CNR2: variants seen among roughly 807,000 people sequenced by gnomAD.
CNR2 encodes the protein cannabinoid receptor 2 (macrophage).
For synonymous variants in CNR2, 172 were observed against 182.2 expected (o/e 0.94, Z 0.45); for missense variants, 379 against 439.9 (o/e 0.86, Z 1.24).
At chr1:23,904,843 G>A (rs1231421804) in intron 1 of CNR2, among the ~76,000 whole-genome samples, 1 of 152,196 alleles carries the variant, frequency 6.6e-6, no homozygotes, top group Admixed American at 6.5e-5. Context: ...TCTAAAGCAG[G>A]AGTAAGACAG....
intron 1 of CNR2, among the ~76,000 whole-genome samples, chr1:23,888,477 G>C (rs182257492): frequency 6.6e-6 from 1 of 152,076 alleles, no homozygotes; most frequent in South Asian, 2.1e-4. Flanking sequence ...CGGTCCTTTC[G>C]AGGCATATTT....
At chr1:23,912,322 C>T (rs1640600275) in intron 1 of CNR2, among the ~76,000 whole-genome samples, 1 of 152,162 alleles carries the variant, frequency 6.6e-6, no homozygotes, top group South Asian at 2.1e-4. Flanking sequence ...CCAGTGTGCC[C>T]CTAACACTAC....
rs5773060 is a variant in CNR2 at position 23,896,881 on chromosome 1, G to GTTT, written c.-46+16362_-46+16364dup. Among the ~76,000 whole-genome samples, 82 of 141,802 alleles carry GTTT rather than the reference G, an allele frequency of 5.8e-4. 1 individual carries two copies. The highest frequency in any genetic ancestry group is 7.9e-4 in the Non-Finnish European group (52 of 65,816). The allele number at this position is 141,802 out of a possible 152,430, so 93.0% of individuals were successfully genotyped here. Reference sequence around the variant, plus strand: ...CAGTAGGTCCATCTGCACCAGGAGTGTTTTTTTTTTTTTTTCTTCTAGAGT... The same window carrying GTTT: ...CAGTAGGTCCATCTGCACCAGGAGTGTTTTTTTTTTTTTTTTTTCTTCTAGAGT... On this transcript the variant is annotated intron_variant, in intron 1 of 1. Transcript: ENST00000374472.
chr1:23,875,522 C>T lies in CNR2; in HGVS notation c.96G>A (p.Gln32=). 1 of 1,614,150 alleles carries T rather than the reference C, an allele frequency of 6.2e-7. No individual in the cohort carries two copies. ...TGCACAACACAGCAACAGCTGTCTT[C>T]TGGGGACCACTCAGGATCATGTAAT... ...MKDYMILSGP[Q]KTAVAVLCTL... Residue 32 remains glutamine, a synonymous_variant, in exon 2 of 2, where the codon CAG becomes CAA. Coordinates refer to ENST00000374472, the MANE Select transcript of CNR2 (RefSeq NM_001841.3).
intron 1 of CNR2, among the ~76,000 whole-genome samples, chr1:23,895,563 G>A (rs1640266989): frequency 6.6e-6 from 1 of 152,090 alleles, no homozygotes; most frequent in Non-Finnish European, 1.5e-5. Flanking sequence ...CTGGAGTGCA[G>A]TGGCGTGATC....
Position 23,874,465 on chromosome 1 carries a change from G to C in CNR2, c.*70C>G. On this transcript the variant is annotated 3_prime_UTR_variant, in exon 2 of 2. Coordinates refer to ENST00000374472, the MANE Select transcript of CNR2 (RefSeq NM_001841.3). ...GGTTTAAGTAAGAAGAGAGTGCCAA[G>C]ACCCCTCTCTCTCTTCCAGGGAGTG... The C allele has an allele frequency of 6.7e-7, 1 of 1,497,858 alleles. No individual in the cohort carries two copies. Among genetic ancestry groups the C allele is most frequent in the South Asian group, 1.3e-5 (1 of 79,246 alleles). The allele number at this position is 1,497,858 out of a possible 1,614,324, so 92.8% of individuals were successfully genotyped here. A position where few individuals can be genotyped will look rare whatever the true frequency, so the allele number is the denominator to read the frequency against.
At chr1:23,894,641 T>TAAAAAAAAAA (rs71575781) in intron 1 of CNR2, among the ~76,000 whole-genome samples, 1 of 110,140 alleles carries the variant, frequency 9.1e-6, no homozygotes, top group Non-Finnish European at 1.8e-5. Context: ...ATCTGTATTA[T>TAAAAAAAAAA]AAATAATAAT....
At position 23,875,065 on chromosome 1, in the gene CNR2, G is replaced by C. The variant is rs1320657768; in HGVS notation, c.553C>G (p.Leu185Val). The change falls in exon 2 of 2, where the codon CTG becomes GTG. Residue 185 changes from leucine to valine, a missense_variant. Coordinates refer to ENST00000374472, the MANE Select transcript of CNR2 (RefSeq NM_001841.3). ...CTCAGCAGGTAGTCATTGGGGATCA[G>C]TGGGAAAAGCTCAGAGCAGGGCCTG... is the stretch of plus-strand genomic sequence containing the variant. The part of the protein sequence containing the change: ...CPRPCSELFP[L>V]IPNDYLLSWL... The C allele has an allele frequency of 6.2e-7, 1 of 1,602,744 alleles. No individual in the cohort carries two copies. Among genetic ancestry groups the C allele is most frequent in the Non-Finnish European group, 8.5e-7 (1 of 1,174,952 alleles).
chr1:23,876,315 T>G lies in CNR2; in HGVS notation c.-45-653A>C, dbSNP rs1639873467. On this transcript the variant is annotated intron_variant, in intron 1 of 1. Coordinates refer to ENST00000374472, the MANE Select transcript of CNR2 (RefSeq NM_001841.3). ...TCTGCCTCCCAGGCACAAGAGATTC[T>G]CCTGCCTCAGCCTCCCAAGTAGCTG... Among the ~76,000 whole-genome samples, 3 of 151,784 alleles carry G rather than the reference T, an allele frequency of 2.0e-5. No homozygotes were observed. The South Asian group carries it at 6.2e-4, about 32-fold the overall frequency.
chr1:23,897,723 G>T (rs546581295), intron 1 of CNR2, among the ~76,000 whole-genome samples: 26 of 152,172 alleles, frequency 1.7e-4, no homozygotes, highest in Middle Eastern at 3.4e-3. Flanking sequence ...GCCTCCCAAA[G>T]TGCTGGGATT....
intron 1 of CNR2, among the ~76,000 whole-genome samples, chr1:23,889,855 A>G (rs1313974302): frequency 6.6e-6 from 1 of 152,202 alleles, no homozygotes; most frequent in African/African-American, 2.4e-5. Flanking sequence ...AATACTATCC[A>G]TATCACATGA....
chr1:23,908,014 T>C (rs1430485188), intron 1 of CNR2: 3 of 105,096 alleles, frequency 2.9e-5, no homozygotes, highest in African/African-American at 1.1e-4. Flanking sequence ...TGAGATGGAG[T>C]CTCCCTCTGT....
intron 1 of CNR2, chr1:23,901,918 C>T (rs4648921): frequency 1 from 1,600,497 of 1,604,508 alleles, 798,317 homozygotes; most frequent in East Asian, 1. Context: ...ATAGGTGGCA[C>T]CTCTGCGGGG....
At chr1:23,912,008 G>T (rs1640595184) in intron 1 of CNR2, among the ~76,000 whole-genome samples, 1 of 152,180 alleles carries the variant, frequency 6.6e-6, no homozygotes, top group Non-Finnish European at 1.5e-5. Flanking sequence ...CACAGCAAGA[G>T]CAGATGGGGT....
At chr1:23,906,636 C>T (rs1298638541) in intron 1 of CNR2, among the ~76,000 whole-genome samples, 1 of 150,264 alleles carries the variant, frequency 6.7e-6, no homozygotes, top group Non-Finnish European at 1.5e-5. Context: ...AGCTTCAGCA[C>T]TTCCCAAAGT....
At chr1:23,884,507 T>C (rs1231600950) in intron 1 of CNR2, among the ~76,000 whole-genome samples, 1 of 151,144 alleles carries the variant, frequency 6.6e-6, no homozygotes, top group Non-Finnish European at 1.5e-5. Context: ...GGTTTCACCA[T>C]GTTGGCCAGG....
chr1:23,886,664 G>T (rs1045638160), intron 1 of CNR2, among the ~76,000 whole-genome samples: 1 of 152,140 alleles, frequency 6.6e-6, no homozygotes, highest in African/African-American at 2.4e-5. Flanking sequence ...GGCAGCCCAG[G>T]TTCCTCTAGG....
At chr1:23,910,290 T>C (rs1448822611) in intron 1 of CNR2, among the ~76,000 whole-genome samples, 1 of 151,676 alleles carries the variant, frequency 6.6e-6, no homozygotes, top group East Asian at 1.9e-4. Flanking sequence ...TTGTGTGAGC[T>C]TCAGTTTCTC....
intron 1 of CNR2, among the ~76,000 whole-genome samples, chr1:23,900,281 A>G (rs550623191): frequency 1.3e-5 from 2 of 151,796 alleles, no homozygotes; most frequent in Non-Finnish European, 2.9e-5. Context: ...GTCCTTAAAA[A>G]CTCTGATCCT....
Sources: allele counts gnomAD v4.1 joint callset (sites outside exome capture counted in the v4.1 genomes callset), GRCh38; gene constraint gnomAD v4.1.1; transcripts MANE v1.5; gene names NCBI Gene and HGNC (gene_info 2026-07-23, HGNC 2026-07-21).